ELOVL4: variants seen among roughly 807,000 people sequenced by gnomAD.
ELOVL4 encodes ELOVL fatty acid elongase 4.
In ELOVL4, 18 loss-of-function variants were observed where a neutral mutation model predicts 42.1. That is an observed-to-expected ratio of 0.43 (90% confidence interval 0.30 to 0.63). ELOVL4 has a LOEUF of 0.63. Among genes scored for constraint, ELOVL4 ranks in the 30% least tolerant of loss-of-function variants. The probability of loss-of-function intolerance (pLI) is 0.15; values close to 1 mark genes in which losing one functional copy is unlikely to be tolerated. For synonymous variants in ELOVL4, 117 were observed against 127.0 expected (o/e 0.92, Z 0.53); for missense variants, 299 against 376.2 (o/e 0.79, Z 1.70).
intron 1 of ELOVL4, among the ~76,000 whole-genome samples, chr6:79,934,843 TCAAC>T (rs2127701086): frequency 6.6e-6 from 1 of 152,276 alleles, no homozygotes; most frequent in Admixed American, 6.5e-5. Flanking sequence ...TTGACACTGA[TCAAC>T]CACTAAATCC....
In ELOVL4 at chr6:79,929,797, C is replaced by T. The variant is rs180843710; in HGVS notation, c.101-3416G>A. ...ATGACCAGAGCACCTGCACATGTTA[C>T]TATTCCATTACAGCACTCATTACAC... On this transcript the variant is annotated intron_variant, in intron 1 of 5. Coordinates refer to ENST00000369816, the MANE Select transcript of ELOVL4 (RefSeq NM_022726.4). 2.9e-4 allele frequency among the ~76,000 whole-genome samples: 44 copies of T among 152,310 alleles called. No individual in the cohort carries two copies. The East Asian group carries it at 7.3e-3, about 25-fold the overall frequency.
chr6:79,925,481 A>G (rs1014377571), intron 2 of ELOVL4, among the ~76,000 whole-genome samples: 5 of 152,140 alleles, frequency 3.3e-5, no homozygotes, highest in African/African-American at 1.2e-4. Flanking sequence ...TTCTAAGAAG[A>G]GTTATTGTTT....
intron 4 of ELOVL4, among the ~76,000 whole-genome samples, chr6:79,919,906 T>C (rs1439891902): frequency 2.0e-5 from 3 of 152,296 alleles, no homozygotes; most frequent in East Asian, 1.9e-4. Context: ...TGCCAATATA[T>C]ATATCTGCAA....
chr6:79,943,977 C>A (rs1774694056), intron 1 of ELOVL4, among the ~76,000 whole-genome samples: 1 of 152,166 alleles, frequency 6.6e-6, no homozygotes. Flanking sequence ...CCACCCCCAA[C>A]CAACAGACAG....
chr6:79,917,683 T>G (rs1041004951), intron 5 of ELOVL4, among the ~76,000 whole-genome samples: 2 of 152,020 alleles, frequency 1.3e-5, no homozygotes, highest in South Asian at 4.1e-4. Flanking sequence ...TAGCCAGGTG[T>G]GGTGGTCCAT....
chr6:79,921,575 A>AAC, intron 4 of ELOVL4, 50 bp downstream of exon 4: 1 of 1,559,284 alleles, frequency 6.4e-7, no homozygotes, highest in Non-Finnish European at 8.8e-7. Flanking sequence ...CTTTCCACTG[A>AAC]ACACATATAT....
chr6:79,943,551 G>C (rs553961535), intron 1 of ELOVL4, among the ~76,000 whole-genome samples: 1 of 152,288 alleles, frequency 6.6e-6, no homozygotes, highest in Admixed American at 6.5e-5. Context: ...GATGAGAAGA[G>C]CAGGGAAGGA....
chr6:79,931,715 G>GA (rs142335546), intron 1 of ELOVL4, among the ~76,000 whole-genome samples: 6,625 of 152,246 alleles, frequency 0.044, 201 homozygotes, highest in Middle Eastern at 0.078. Context: ...CTGGAAAAGA[G>GA]AAAGAGGCCT....
At position 79,916,263 on chromosome 6, in the gene ELOVL4, A is replaced by G. The variant is rs536401411; in HGVS notation, c.*345T>C. ...ATAAAGACCGTTTCTGTGATCGTCT[A>G]AAATTCAGACCGAAGAATGAGTGAC... On this transcript the variant is annotated 3_prime_UTR_variant, in exon 6 of 6. Coordinates refer to ENST00000369816, the MANE Select transcript of ELOVL4 (RefSeq NM_022726.4). 2.1e-5 allele frequency: 5 copies of G among 234,106 alleles called. No individual in the cohort carries two copies. Among genetic ancestry groups the G allele is most frequent in the South Asian group, 7.4e-5 (1 of 13,466 alleles). The allele number at this position is 234,106 out of a possible 1,614,324, so 14.5% of individuals were successfully genotyped here. A position where few individuals can be genotyped will look rare whatever the true frequency, so the allele number is the denominator to read the frequency against.
chr6:79,938,876 T>C (rs1384399568), intron 1 of ELOVL4, among the ~76,000 whole-genome samples: 1 of 152,232 alleles, frequency 6.6e-6, no homozygotes, highest in Admixed American at 6.5e-5. Context: ...CTTTCTTGCT[T>C]GGCTAGTGTG....
At chr6:79,923,650 T>G (rs911378433) in intron 3 of ELOVL4, among the ~76,000 whole-genome samples, 6 of 152,202 alleles carry the variant, frequency 3.9e-5, no homozygotes, top group African/African-American at 1.4e-4. Flanking sequence ...TCCTCCTTAG[T>G]CATTTGTTTA....
In ELOVL4 at chr6:79,916,406, A is replaced by G; in HGVS notation, c.*202T>C. The G allele has an allele frequency of 6.5e-6, 4 of 618,222 alleles. No individual in the cohort carries two copies. The South Asian group carries it at 8.2e-5, about 13-fold the overall frequency. 38.3% of individuals were successfully genotyped at this position (618,222 alleles called of 1,614,324 possible). A position where few individuals can be genotyped will look rare whatever the true frequency, so the allele number is the denominator to read the frequency against. ...GAATATCAAGGCTAATTTTTAAAAA[A>G]AATGTTTAAAATAAAAACTTCATAA... On this transcript the variant is annotated 3_prime_UTR_variant, in exon 6 of 6. Coordinates refer to ENST00000369816, the MANE Select transcript of ELOVL4 (RefSeq NM_022726.4).
At chr6:79,919,289 G>A (rs1774210678) in intron 5 of ELOVL4, 131 bp downstream of exon 5, 2 of 1,022,068 alleles carry the variant, frequency 2.0e-6, no homozygotes, top group African/African-American at 3.2e-5. Flanking sequence ...GGGCATAACT[G>A]CGATATAGCT....
At chr6:79,942,521 G>A (rs1380996335) in intron 1 of ELOVL4, among the ~76,000 whole-genome samples, 1 of 152,114 alleles carries the variant, frequency 6.6e-6, no homozygotes, top group Non-Finnish European at 1.5e-5. Context: ...AGCATTTACA[G>A]GTGACATTAT....
At chr6:79,944,822 C>A (rs1774708780) in intron 1 of ELOVL4, among the ~76,000 whole-genome samples, 1 of 151,970 alleles carries the variant, frequency 6.6e-6, no homozygotes, top group South Asian at 2.1e-4. Context: ...TTCTCAAGAC[C>A]ATCTTTCTAT....
At chr6:79,919,591 T>A in intron 4 of ELOVL4, 44 bp from the exon 5 acceptor site, 1 of 1,589,714 alleles carries the variant, frequency 6.3e-7, no homozygotes, top group Non-Finnish European at 8.6e-7. Flanking sequence ...GAAAATTTTA[T>A]TAGGCAGTAA....
intron 1 of ELOVL4, among the ~76,000 whole-genome samples, chr6:79,939,931 T>G (rs1774618572): frequency 6.6e-6 from 1 of 152,220 alleles, no homozygotes; most frequent in Non-Finnish European, 1.5e-5. Flanking sequence ...ATGTCAGAAT[T>G]TCTTTCCTTT....
intron 1 of ELOVL4, among the ~76,000 whole-genome samples, chr6:79,927,204 GA>G: frequency 6.6e-6 from 1 of 152,014 alleles, no homozygotes; most frequent in African/African-American, 2.4e-5. Context: ...GCATGATAAT[GA>G]AATATGGATG....
intron 1 of ELOVL4, among the ~76,000 whole-genome samples, chr6:79,944,099 T>C (rs1042415548): frequency 8.5e-5 from 13 of 152,170 alleles, no homozygotes; most frequent in African/African-American, 3.1e-4. Flanking sequence ...TCTAGGGTGT[T>C]TATATGCTAA....
Sources: gnomAD v4.1 joint callset for allele counts (sites outside exome capture counted in the v4.1 genomes callset) on GRCh38, gnomAD v4.1.1 for gene constraint, MANE v1.5 for transcripts, NCBI Gene and HGNC (gene_info 2026-07-23, HGNC 2026-07-21) for gene names.